Variants in SEL1L3 observed in about 807,000 individuals in gnomAD.
SEL1L3 encodes the protein SEL1L family member 3.
In SEL1L3, 76 loss-of-function variants were observed where a neutral mutation model predicts 142.8. That is an observed-to-expected ratio of 0.53 (90% CI 0.44 to 0.64). The LOEUF is 0.64. Ranked by LOEUF, SEL1L3 falls within the 30% of genes least tolerant of loss-of-function variation. The pLI is 0.00. For missense variants in SEL1L3, 1,262 were observed against 1,381.7 expected (o/e 0.91, Z 1.37); for synonymous variants, 504 against 519.6 (o/e 0.97, Z 0.41).
At position 25,788,590 on chromosome 4, in the gene SEL1L3, G is replaced by A. The variant is rs11721662; in HGVS notation, c.2077-226C>T. Among the ~76,000 whole-genome samples, 68 of 70,382 alleles carry A rather than the reference G, an allele frequency of 9.7e-4. 2 individuals are homozygous for A. The highest frequency in any genetic ancestry group is 1.6e-3 in the African/African-American group (29 of 18,600). The allele number at this position is 70,382 out of a possible 152,430, so 46.2% of individuals were successfully genotyped here. On this transcript the variant is annotated intron_variant, in intron 12 of 23. Coordinates refer to ENST00000399878, the MANE Select transcript of SEL1L3 (RefSeq NM_015187.5). This position sits in a 1 kb window ranked among gnomAD's most constrained non-coding sequence, Gnocchi z 5.3. ...GGTTCGTGTGTGTGTGTGTGTGTGTGTGTGTGTGTGTGTGTGTGTGTGTGT... is the reference window on the plus strand; with the variant it reads ...GGTTCGTGTGTGTGTGTGTGTGTGTATGTGTGTGTGTGTGTGTGTGTGTGT...
At chr4:25,858,193 T>C (rs925303460) in intron 1 of SEL1L3, among the ~76,000 whole-genome samples, 4 of 152,244 alleles carry the variant, frequency 2.6e-5, no homozygotes, top group African/African-American at 9.6e-5. Flanking sequence ...TCTGACGCTT[T>C]TGCCAACAGG....
At chr4:25,839,340 C>T (rs2109296841) in intron 2 of SEL1L3, among the ~76,000 whole-genome samples, 1 of 152,322 alleles carries the variant, frequency 6.6e-6, no homozygotes, top group Non-Finnish European at 1.5e-5. Flanking sequence ...CAGTTCTACT[C>T]CTAGTAATTT....
the SEL1L3 span, among the ~76,000 whole-genome samples, chr4:25,736,592 G>A: frequency 4.6e-5 from 7 of 152,212 alleles, no homozygotes; most frequent in East Asian, 3.9e-4. Flanking sequence ...CTTGGTGAGC[G>A]TTCCATGTAA....
chr4:25,716,757 A>T, the SEL1L3 span, among the ~76,000 whole-genome samples: 1 of 152,216 alleles, frequency 6.6e-6, no homozygotes, highest in Admixed American at 6.5e-5. Context: ...AAACATTCAA[A>T]TAATTCTATG....
At chr4:25,855,754 C>G (rs557083785) in intron 1 of SEL1L3, among the ~76,000 whole-genome samples, 1 of 151,992 alleles carries the variant, frequency 6.6e-6, no homozygotes, top group African/African-American at 2.4e-5. Context: ...GAGCGAGATT[C>G]CGTCTCAGGA....
At chr4:25,732,674 A>T in the SEL1L3 span, among the ~76,000 whole-genome samples, 1 of 150,592 alleles carries the variant, frequency 6.6e-6, no homozygotes, top group South Asian at 2.1e-4. Flanking sequence ...GCCCCACCAC[A>T]TTTTTTTTTG....
intron 13 of SEL1L3, among the ~76,000 whole-genome samples, chr4:25,787,160 G>A (rs1711905359): frequency 1.3e-5 from 2 of 152,210 alleles, no homozygotes. Context: ...CCAGTTGGGT[G>A]ACCTTGGGCA....
chr4:25,858,823 A>G (rs1717461531), intron 1 of SEL1L3, among the ~76,000 whole-genome samples: 1 of 152,086 alleles, frequency 6.6e-6, no homozygotes, highest in African/African-American at 2.4e-5. Context: ...TGACCTCGTG[A>G]TCCGCCTGCT....
Position 25,822,103 on chromosome 4 carries a change from C to T in SEL1L3, c.1183G>A (p.Asp395Asn). The stretch of plus-strand genomic sequence containing the variant: ...CCAATAATGAAGTACCCAGCTGTGT[C>T]ATTATAATGGAAATCCTCCCGGAAG... ...ISFREDFHYNDTAGYFIIGGS... is the reference protein window; with the variant it reads ...ISFREDFHYNNTAGYFIIGGS... Residue 395 changes from aspartate (D) to asparagine (N), a missense_variant, in exon 7 of 24, where the codon GAC (aspartate) becomes AAC (asparagine). Physicochemically the swap from Asp to Asn is conservative, Grantham distance 23. Coordinates refer to ENST00000399878, the MANE Select transcript of SEL1L3 (RefSeq NM_015187.5). The T allele has an allele frequency of 6.2e-7, 1 of 1,613,948 alleles. No individual in the cohort carries two copies. Among genetic ancestry groups the T allele is most frequent in the Non-Finnish European group, 8.5e-7 (1 of 1,179,868 alleles).
rs570952419 is a variant in SEL1L3 at position 25,847,750 on chromosome 4, C to T, written c.277G>A (p.Val93Ile). 59 of 1,613,782 alleles carry T rather than the reference C, an allele frequency of 3.7e-5. No individual in the cohort carries two copies. In the East Asian group the frequency reaches 8.5e-4, roughly 23 times the overall value. ...FIYFTVFEGNVRNVSEVSVEY... is the reference protein window; with the variant it reads ...FIYFTVFEGNIRNVSEVSVEY... ...ACCGAGACTTCAGAAACGTTGCGAACGTTTCCTTCAAAGACAGTAAAATAA... is the reference window on the plus strand; with the variant it reads ...ACCGAGACTTCAGAAACGTTGCGAATGTTTCCTTCAAAGACAGTAAAATAA... The change falls in exon 2 of 24, where the codon GTT becomes ATT. Residue 93 changes from valine (V) to isoleucine (I), a missense_variant. Physicochemically the swap from Val to Ile is conservative, Grantham distance 29. Coordinates refer to ENST00000399878, the MANE Select transcript of SEL1L3 (RefSeq NM_015187.5).
In SEL1L3 at chr4:25,779,134, G is replaced by T; in HGVS notation, c.2527C>A (p.Leu843Ile). Residue 843 changes from leucine (L) to isoleucine (I), a missense_variant, in exon 16 of 24, where the codon CTC becomes ATC. Leu to Ile is a conservative substitution (Grantham distance 5). Transcript: ENST00000399878. The stretch of plus-strand genomic sequence containing the variant: ...TCCAGGTTGCCTGTGATATAGTAGA[G>T]AGAACACCACAAGGTCCCTTCCATG... The part of the protein sequence containing the change: ...GHMEGTLWCS[L>I]YYITGNLETF... The T allele has an allele frequency of 6.2e-7, 1 of 1,613,620 alleles. No homozygotes were observed. Among genetic ancestry groups the T allele is most frequent in the South Asian group, 1.1e-5 (1 of 91,056 alleles).
intron 2 of SEL1L3, among the ~76,000 whole-genome samples, chr4:25,840,538 G>A (rs968260582): frequency 3.0e-4 from 46 of 152,200 alleles, no homozygotes; most frequent in African/African-American, 9.4e-4. Context: ...AACGAAAAGA[G>A]TGGAGAAGAA....
intron 17 of SEL1L3, among the ~76,000 whole-genome samples, chr4:25,768,621 C>T (rs564342662): frequency 6.6e-6 from 1 of 152,272 alleles, no homozygotes; most frequent in African/African-American, 2.4e-5. Context: ...TGCAAAGATT[C>T]TGTTGCCACG....
At chr4:25,741,699 C>T in the SEL1L3 span, among the ~76,000 whole-genome samples, 1 of 152,074 alleles carries the variant, frequency 6.6e-6, no homozygotes. Context: ...CTTTCTTGAA[C>T]AGAAATCCTT....
chr4:25,770,325 A>G (rs151277865), intron 17 of SEL1L3: 1 of 152,350 alleles, frequency 6.6e-6, no homozygotes, highest in African/African-American at 2.4e-5. Context: ...TCGTCCAATC[A>G]TTGTGTAAAC....
At chr4:25,754,256 T>C (rs1717800441) in intron 23 of SEL1L3, among the ~76,000 whole-genome samples, 1 of 151,512 alleles carries the variant, frequency 6.6e-6, no homozygotes, top group Admixed American at 6.6e-5. Context: ...GAGCTGAGAT[T>C]GCACCATTGC....
chr4:25,718,921 AATCCC>A, the SEL1L3 span: 1 of 152,256 alleles, frequency 6.6e-6, no homozygotes, highest in Non-Finnish European at 1.5e-5. Flanking sequence ...TCACGCCTGT[AATCCC>A]AGCACTTTGG....
At chr4:25,815,939 G>A (rs1391391900) in intron 9 of SEL1L3, among the ~76,000 whole-genome samples, 1 of 150,584 alleles carries the variant, frequency 6.6e-6, no homozygotes, top group Non-Finnish European at 1.5e-5. Context: ...ACACAGGACA[G>A]CCCCCAACAA....
the SEL1L3 span, among the ~76,000 whole-genome samples, chr4:25,738,529 A>G: frequency 1.3e-5 from 2 of 152,220 alleles, no homozygotes; most frequent in African/African-American, 4.8e-5. Flanking sequence ...GTCACAGTGA[A>G]AGCAAAAGTG....
Sources: gnomAD v4.1 joint callset for allele counts (sites outside exome capture counted in the v4.1 genomes callset) on GRCh38, gnomAD v4.1.1 for gene constraint, Gnocchi (gnomAD v3.1) non-coding constraint, MANE v1.5 for transcripts, NCBI Gene and HGNC (gene_info 2026-07-23, HGNC 2026-07-21) for gene names.